Variants in DLGAP1 observed in about 807,000 individuals in gnomAD.
DLGAP1 encodes the protein disks large-associated protein 1.
In DLGAP1, 11 loss-of-function variants were observed where a neutral mutation model predicts 90.8. That is an observed-to-expected ratio of 0.12 (90% CI 0.08 to 0.20). The LOEUF (loss-of-function observed/expected upper bound fraction) is 0.20. Among genes scored for constraint, DLGAP1 ranks in the 10% least tolerant of loss-of-function variants. The pLI, the probability that DLGAP1 is intolerant of heterozygous loss-of-function variation, is 1.00. For missense variants in DLGAP1, 1,050 were observed against 1,333.8 expected (o/e 0.79, Z 3.31); for synonymous variants, 558 against 540.7 (o/e 1.03, Z -0.44).
chr18:4,424,189 G>A (rs2083102854), intron 1 of DLGAP1, among the ~76,000 whole-genome samples: 1 of 151,956 alleles, frequency 6.6e-6, no homozygotes, highest in Admixed American at 6.6e-5. Flanking sequence ...GGAAGTATAG[G>A]GCAAAGAATA....
chr18:3,576,278 G>A (rs78950545), intron 8 of DLGAP1, among the ~76,000 whole-genome samples: 1 of 116,400 alleles, frequency 8.6e-6, no homozygotes, highest in Non-Finnish European at 1.8e-5. Context: ...TTTTTTTTTT[G>A]AGACGGAGTC....
intron 1 of DLGAP1, among the ~76,000 whole-genome samples, chr18:4,173,944 A>G (rs2077063995): frequency 6.6e-6 from 1 of 152,060 alleles, no homozygotes; most frequent in Non-Finnish European, 1.5e-5. Flanking sequence ...TCCTCAGAGG[A>G]ATGACCTGTA....
chr18:3,642,647 C>T (rs1454258846), intron 7 of DLGAP1, among the ~76,000 whole-genome samples: 1 of 152,150 alleles, frequency 6.6e-6, no homozygotes, highest in African/African-American at 2.4e-5. Flanking sequence ...ATAAGAGTGG[C>T]TACTGAGTTA....
intron 1 of DLGAP1, chr18:4,248,533 G>A (rs929811881): frequency 3.3e-5 from 5 of 152,268 alleles, no homozygotes; most frequent in East Asian, 1.9e-4. Flanking sequence ...ATTACTCAAG[G>A]GGGGAAAGGG....
intron 7 of DLGAP1, among the ~76,000 whole-genome samples, chr18:3,696,455 CGT>C (rs2061095962): frequency 1.3e-5 from 2 of 152,110 alleles, no homozygotes; most frequent in Admixed American, 1.3e-4. Context: ...TTGAAATAAT[CGT>C]GTGTTTTTTG....
chr18:4,127,992 T>C (rs2076255613), intron 2 of DLGAP1, among the ~76,000 whole-genome samples: 1 of 152,208 alleles, frequency 6.6e-6, no homozygotes. Flanking sequence ...ATTTTGAGTT[T>C]GACATAAATC....
At chr18:3,936,689 T>TTGAA (rs1175955529) in intron 3 of DLGAP1, among the ~76,000 whole-genome samples, 1 of 152,232 alleles carries the variant, frequency 6.6e-6, no homozygotes, top group Non-Finnish European at 1.5e-5. Context: ...AATATGATGT[T>TTGAA]TGAATGAATA....
intron 1 of DLGAP1, among the ~76,000 whole-genome samples, chr18:4,258,938 A>G (rs9807116): frequency 0.022 from 3,379 of 152,210 alleles, 131 homozygotes; most frequent in African/African-American, 0.077. Context: ...TGCAAATCTC[A>G]TAGAATGTGG....
chr18:4,096,960 A>G (rs1240923247), intron 2 of DLGAP1, among the ~76,000 whole-genome samples: 1 of 152,240 alleles, frequency 6.6e-6, no homozygotes, highest in Non-Finnish European at 1.5e-5. Context: ...GGCACAAAGT[A>G]AACATTGTGT....
chr18:3,563,470 T>C (rs1330072208), intron 9 of DLGAP1, among the ~76,000 whole-genome samples: 2 of 34,720 alleles, frequency 5.8e-5, no homozygotes, highest in East Asian at 2.2e-3. Context: ...TTTTTTGTTT[T>C]TTTGGTTTTT....
intron 9 of DLGAP1, among the ~76,000 whole-genome samples, chr18:3,544,196 C>G (rs1356736936): frequency 6.6e-6 from 1 of 152,168 alleles, no homozygotes; most frequent in African/African-American, 2.4e-5. Context: ...TCAAGACCAG[C>G]CTGGCCAACA....
At chr18:3,587,523 C>T (rs975670147) in intron 7 of DLGAP1, among the ~76,000 whole-genome samples, 1 of 152,146 alleles carries the variant, frequency 6.6e-6, no homozygotes, top group Non-Finnish European at 1.5e-5. Flanking sequence ...CTCTGTAAAA[C>T]GGATCAATCA....
intron 3 of DLGAP1, among the ~76,000 whole-genome samples, chr18:3,908,104 G>C (rs1008793380): frequency 3.9e-5 from 6 of 152,198 alleles, no homozygotes; most frequent in African/African-American, 1.4e-4. Flanking sequence ...AAAGCAATGT[G>C]CAGTTCCTGC....
chr18:3,729,438 G>A lies in DLGAP1; in HGVS notation c.1351-63C>T. 6.4e-7 allele frequency: 1 copy of A among 1,557,974 alleles called. No homozygotes were observed. The highest frequency in any genetic ancestry group is 1.4e-5 in the African/African-American group (1 of 73,792). On this transcript the variant is annotated intron_variant, in intron 6 of 12. Transcript: ENST00000315677. This position sits in a 1 kb window ranked among gnomAD's most constrained non-coding sequence, Gnocchi z 6.2. Reference sequence around the variant, plus strand: ...CCTGGTGGAGGATCAACCTCTCCAAGCATCTGCGAACTTCAATCCCCAGAA... The same window carrying A: ...CCTGGTGGAGGATCAACCTCTCCAAACATCTGCGAACTTCAATCCCCAGAA...
intron 1 of DLGAP1, among the ~76,000 whole-genome samples, chr18:4,445,785 A>T (rs1247361987): frequency 6.6e-6 from 1 of 152,168 alleles, no homozygotes; most frequent in Non-Finnish European, 1.5e-5. Flanking sequence ...AGTAATCCAG[A>T]TAAATGCAAC....
chr18:3,606,679 C>G (rs1317719629), intron 7 of DLGAP1: 1 of 152,148 alleles, frequency 6.6e-6, no homozygotes, highest in Non-Finnish European at 1.5e-5. Flanking sequence ...GTCGTTACAG[C>G]CACGTAATGG....
chr18:4,273,823 T>G (rs1484520849), intron 1 of DLGAP1, among the ~76,000 whole-genome samples: 1 of 152,248 alleles, frequency 6.6e-6, no homozygotes, highest in African/African-American at 2.4e-5. Flanking sequence ...TTTCTTACAA[T>G]GCTTTTTTAA....
chr18:3,894,947 A>G (rs764744591), intron 3 of DLGAP1: 4 of 152,228 alleles, frequency 2.6e-5, no homozygotes, highest in Admixed American at 6.5e-5. Flanking sequence ...ATGTTAAGCC[A>G]CTAGCTTATG....
intron 2 of DLGAP1, among the ~76,000 whole-genome samples, chr18:4,091,888 C>T (rs538403620): frequency 2.0e-4 from 19 of 95,890 alleles, no homozygotes; most frequent in South Asian, 1.4e-3. Context: ...GCCTCTTGAT[C>T]ATGTTTTTTT....
Sources: gnomAD v4.1 joint callset for allele counts (sites outside exome capture counted in the v4.1 genomes callset) on GRCh38, gnomAD v4.1.1 for gene constraint, Gnocchi (gnomAD v3.1) non-coding constraint, MANE v1.5 for transcripts, NCBI Gene and HGNC (gene_info 2026-07-23, HGNC 2026-07-21) for gene names.